Variants in ARHGAP5 observed in about 807,000 individuals in gnomAD.
ARHGAP5 encodes rho GTPase-activating protein 5.
ARHGAP5 carries 23 observed loss-of-function variants against 116.6 expected under a neutral mutation model. The observed-to-expected ratio is 0.20, with a 90% CI of 0.14 to 0.28. ARHGAP5 has a LOEUF of 0.28. Ranked by LOEUF, ARHGAP5 falls within the 10% of genes least tolerant of loss-of-function variation. ARHGAP5 has a pLI of 1.00. For missense variants in ARHGAP5, 1,405 were observed against 1,774.8 expected, an observed-to-expected ratio of 0.79 and a Z score of 3.74; for synonymous variants, 574 against 602.0, an observed-to-expected ratio of 0.95 and a Z score of 0.68.
Position 32,157,201 on chromosome 14 carries a change from G to A in ARHGAP5, c.*2253G>A, listed in dbSNP as rs889098546. 2 of 152,114 alleles carry A rather than the reference G, an allele frequency of 1.3e-5. No homozygotes were observed. Among genetic ancestry groups the A allele is most frequent in the African/African-American group, 4.8e-5 (2 of 41,402 alleles). The allele number at this position is 152,114 out of a possible 1,614,324, so 9.4% of individuals were successfully genotyped here. On this transcript the variant is annotated 3_prime_UTR_variant, in exon 7 of 7. Coordinates refer to ENST00000345122, the MANE Select transcript of ARHGAP5 (RefSeq NM_001030055.2). Reference sequence around the variant, plus strand: ...TAGGTTACAGTTATTGAAAATTAAAGTACAGTTTAAAGCTCAGTCTGTTAC... The same window carrying A: ...TAGGTTACAGTTATTGAAAATTAAAATACAGTTTAAAGCTCAGTCTGTTAC...
At position 32,093,865 on chromosome 14, in the gene ARHGAP5, A is replaced by G; in HGVS notation, c.3196A>G (p.Ile1066Val). Residue 1066 changes from isoleucine (I) to valine (V), a missense_variant, in exon 2 of 7, where the codon ATT (isoleucine) becomes GTT (valine). Physicochemically the swap from Ile to Val is conservative, Grantham distance 29. This residue lies in a region of ARHGAP5 where 944 missense variants were observed against 1,095.3 expected (regional missense o/e 0.86). Coordinates refer to ENST00000345122, the MANE Select transcript of ARHGAP5 (RefSeq NM_001030055.2). ...PNLLKTIEAGIGKNPRKQTSR... is the reference protein window; with the variant it reads ...PNLLKTIEAGVGKNPRKQTSR... ...CCTTTTAAAAACAATTGAAGCTGGT[A>G]TTGGTAAAAATCCAAGAAAGCAGAC... 1.9e-6 allele frequency: 3 copies of G among 1,614,072 alleles called. No individual in the cohort carries two copies. Among genetic ancestry groups the G allele is most frequent in the South Asian group, 2.2e-5 (2 of 91,052 alleles).
rs1430200399 is a variant in ARHGAP5, at chr14:32,158,426, C to A, written c.*3478C>A. The A allele has an allele frequency of 1.3e-5, 2 of 151,846 alleles. No homozygotes were observed. The highest frequency in any genetic ancestry group is 6.6e-5 in the Admixed American group (1 of 15,230). 9.4% of individuals were successfully genotyped at this position (151,846 alleles called of 1,614,324 possible). On this transcript the variant is annotated 3_prime_UTR_variant, in exon 7 of 7. Transcript: ENST00000345122. ...GATTTTTGAGCTGTGGCTAGACATT[C>A]TTTAGAGCCACTGGAAATATTTTGA...
At chr14:32,106,532 C>CACCATTTT (rs996234762) in intron 2 of ARHGAP5, among the ~76,000 whole-genome samples, 10 of 152,154 alleles carry the variant, frequency 6.6e-5, no homozygotes, top group Non-Finnish European at 1.2e-4. Context: ...GTGTTCCATT[C>CACCATTTT]ACCATTTTTT....
intron 3 of ARHGAP5, among the ~76,000 whole-genome samples, chr14:32,144,243 A>G (rs927311461): frequency 6.6e-6 from 1 of 152,176 alleles, no homozygotes; most frequent in African/African-American, 2.4e-5. Flanking sequence ...TACATTCACA[A>G]AGTCAGGATA....
intron 3 of ARHGAP5, among the ~76,000 whole-genome samples, chr14:32,145,036 C>T (rs1376267517): frequency 6.6e-6 from 1 of 152,144 alleles, no homozygotes; most frequent in East Asian, 1.9e-4. Context: ...CTTTGGATAT[C>T]GTATTCAGAG....
chr14:32,102,885 A>G (rs897738374), intron 2 of ARHGAP5, among the ~76,000 whole-genome samples: 2 of 152,252 alleles, frequency 1.3e-5, no homozygotes, highest in Non-Finnish European at 2.9e-5. Context: ...GTTAGAAACT[A>G]ATATGGGGAT....
intron 3 of ARHGAP5, among the ~76,000 whole-genome samples, chr14:32,127,382 A>G (rs942549625): frequency 5.3e-5 from 8 of 152,172 alleles, no homozygotes; most frequent in South Asian, 4.2e-4. Flanking sequence ...GACTCTTAAC[A>G]AGCATGCTGC....
intron 4 of ARHGAP5, 139 bp downstream of exon 4, chr14:32,146,479 G>A: frequency 1.6e-6 from 1 of 633,212 alleles, no homozygotes; most frequent in South Asian, 1.9e-5. Context: ...AGTGAGATTA[G>A]AAGCACTAAG....
At chr14:32,082,325 C>T (rs1422057346) in intron 1 of ARHGAP5, among the ~76,000 whole-genome samples, 3 of 152,114 alleles carry the variant, frequency 2.0e-5, no homozygotes, top group Non-Finnish European at 2.9e-5. Context: ...GTTTATGATG[C>T]TGAAATTTAT....
intron 2 of ARHGAP5, among the ~76,000 whole-genome samples, chr14:32,116,283 C>T (rs1005564899): frequency 1.4e-5 from 2 of 144,350 alleles, no homozygotes; most frequent in African/African-American, 5.2e-5. Flanking sequence ...AGCAAGACTC[C>T]CTCTCAAAAA....
intron 3 of ARHGAP5, among the ~76,000 whole-genome samples, chr14:32,130,387 GT>G (rs758926640): frequency 0.015 from 2,036 of 132,720 alleles, 21 homozygotes; most frequent in African/African-American, 0.035. Context: ...AATTTTTTGG[GT>G]TTTTTTTTTT....
At chr14:32,133,781 T>TTTTA (rs1880635354) in intron 3 of ARHGAP5, among the ~76,000 whole-genome samples, 1 of 152,208 alleles carries the variant, frequency 6.6e-6, no homozygotes. Context: ...TATTGAGAGT[T>TTTTA]TTTAGCATGA....
intron 6 of ARHGAP5, among the ~76,000 whole-genome samples, chr14:32,153,051 G>GT (rs773823740): frequency 0.031 from 2,503 of 79,836 alleles, 29 homozygotes; most frequent in Non-Finnish European, 0.044. Context: ...GGTTTTTTTT[G>GT]TTTTTTTTTT....
At position 32,152,462 on chromosome 14, in the gene ARHGAP5, A is replaced by G. The variant is rs1881684571; in HGVS notation, c.4115A>G (p.Glu1372Gly). The G allele has an allele frequency of 5.0e-6, 8 of 1,607,888 alleles. No homozygotes were observed. Among genetic ancestry groups the G allele is most frequent in the South Asian group, 2.2e-5 (2 of 89,266 alleles). ...DKTERLHALK[E>G]IVKKFHPVNY... Reference sequence around the variant, plus strand: ...ACAGAACGTCTTCATGCCTTGAAAGAAATTGTTAAGAAATTTCATCCTGTA... The same window carrying G: ...ACAGAACGTCTTCATGCCTTGAAAGGAATTGTTAAGAAATTTCATCCTGTA... Residue 1372 changes from glutamate to glycine, a missense_variant, in exon 6 of 7, where the codon GAA becomes GGA. Around this residue, in one of 6 missense-constraint regions of ARHGAP5, gnomAD observed 176 missense variants for 221.2 expected, o/e 0.80. Transcript: ENST00000345122.
At chr14:32,083,645 C>T (rs906038241) in intron 1 of ARHGAP5, among the ~76,000 whole-genome samples, 12 of 152,098 alleles carry the variant, frequency 7.9e-5, no homozygotes, top group Non-Finnish European at 1.6e-4. Flanking sequence ...TTCCCTTAAT[C>T]CATACTTCCT....
intron 6 of ARHGAP5, among the ~76,000 whole-genome samples, chr14:32,153,519 C>CTGGA (rs1352305334): frequency 8.2e-6 from 1 of 121,240 alleles, no homozygotes; most frequent in Non-Finnish European, 1.6e-5. Context: ...TGTCGCCAGG[C>CTGGA]TGGAGTTCAG....
rs558125196 is a variant in ARHGAP5 at position 32,154,757 on chromosome 14, A to C, written c.4318A>C (p.Thr1440Pro). The C allele has an allele frequency of 5.5e-5, 89 of 1,614,194 alleles. 2 individuals carry two copies. The South Asian group carries it at 9.7e-4, about 18-fold the overall frequency. Reference protein sequence around the residue: ...TTKIHQSVVETFIQQCQFFFY... With the variant: ...TTKIHQSVVEPFIQQCQFFFY... ...TAAGATTCATCAATCTGTTGTTGAA[A>C]CATTCATTCAGCAGTGTCAGTTTTT... Residue 1440 changes from threonine to proline, a missense_variant, in exon 7 of 7, where the codon ACA becomes CCA. Around this residue, in one of 6 missense-constraint regions of ARHGAP5, gnomAD observed 85 missense variants for 96.6 expected, o/e 0.88. Coordinates refer to ENST00000345122, the MANE Select transcript of ARHGAP5 (RefSeq NM_001030055.2).
Position 32,158,938 on chromosome 14 carries a change from A to ATT in ARHGAP5, c.*3991_*3992insTT, listed in dbSNP as rs1882005540. 6.6e-6 allele frequency: 1 copy of ATT among 152,012 alleles called. No individual in the cohort carries two copies. The highest frequency in any genetic ancestry group is 6.6e-5 in the Admixed American group (1 of 15,250). 9.4% of individuals were successfully genotyped at this position (152,012 alleles called of 1,614,324 possible). On this transcript the variant is annotated 3_prime_UTR_variant, in exon 7 of 7. Coordinates refer to ENST00000345122, the MANE Select transcript of ARHGAP5 (RefSeq NM_001030055.2). ...TTTGGGAGTCTTCACTATTCAATTG[A>ATT]TCCTCATCATTGTCCTATTTGCATG... is the stretch of plus-strand genomic sequence containing the variant.
intron 2 of ARHGAP5, among the ~76,000 whole-genome samples, chr14:32,096,352 T>C (rs1273744263): frequency 1.3e-5 from 2 of 152,180 alleles, no homozygotes; most frequent in Non-Finnish European, 2.9e-5. Flanking sequence ...AGGCATTCAG[T>C]TGTAAAGTGG....
Sources: allele counts gnomAD v4.1 joint callset (sites outside exome capture counted in the v4.1 genomes callset), GRCh38; gene constraint gnomAD v4.1.1; regional missense constraint gnomAD v4.1.1; transcripts MANE v1.5; gene names NCBI Gene and HGNC (gene_info 2026-07-23, HGNC 2026-07-21).